Variants in PFKFB3 observed in about 807,000 individuals in gnomAD.
PFKFB3 encodes 6-phosphofructo-2-kinase/fructose-2,6-bisphosphatase 3.
A neutral mutation model predicts 68.0 loss-of-function variants in PFKFB3; 33 were observed. The ratio of observed to expected loss-of-function variants is 0.49; its 90% confidence interval spans 0.37 to 0.65. PFKFB3 has a LOEUF of 0.65. Ranked by LOEUF, PFKFB3 falls within the 30% of genes least tolerant of loss-of-function variation. The pLI is 0.00. For missense variants in PFKFB3, 586 were observed against 712.2 expected, an observed-to-expected ratio of 0.82 and a Z score of 2.02; for synonymous variants, 315 against 288.2, an observed-to-expected ratio of 1.09 and a Z score of -0.94.
the PFKFB3 span, among the ~76,000 whole-genome samples, chr10:6,289,856 T>G: frequency 6.6e-6 from 1 of 151,926 alleles, no homozygotes; most frequent in Non-Finnish European, 1.5e-5. Flanking sequence ...TTCTTCCATT[T>G]GTTTGTATCC....
the PFKFB3 span, among the ~76,000 whole-genome samples, chr10:6,289,811 T>C: frequency 2.2e-5 from 3 of 134,056 alleles, no homozygotes; most frequent in East Asian, 2.3e-4. Context: ...GCCATTTTCA[T>C]GATATTGATT....
chr10:6,238,014 T>C (rs1846060205), downstream of PFKFB3, among the ~76,000 whole-genome samples: 1 of 152,092 alleles, frequency 6.6e-6, no homozygotes, highest in African/African-American at 2.4e-5. Flanking sequence ...GGTTTCAACC[T>C]ACAGTTTCTG....
chr10:6,176,479 C>G (rs528576061), intron 1 of PFKFB3, among the ~76,000 whole-genome samples: 199 of 152,296 alleles, frequency 1.3e-3, no homozygotes, highest in African/African-American at 4.6e-3. Flanking sequence ...CCCATCATCG[C>G]TCACTGCAAC....
chr10:6,270,095 G>A, the PFKFB3 span, among the ~76,000 whole-genome samples: 1 of 152,246 alleles, frequency 6.6e-6, no homozygotes, highest in African/African-American at 2.4e-5. Flanking sequence ...TCGCGCCATT[G>A]TACTCCAGCC....
downstream of PFKFB3, among the ~76,000 whole-genome samples, chr10:6,240,313 G>A (rs1248443464): frequency 6.6e-6 from 1 of 152,122 alleles, no homozygotes; most frequent in Non-Finnish European, 1.5e-5. Context: ...CCCCCAGGCT[G>A]GACTGCGGTG....
At chr10:6,177,550 A>G (rs1353357215) in intron 1 of PFKFB3, among the ~76,000 whole-genome samples, 2 of 117,744 alleles carry the variant, frequency 1.7e-5, no homozygotes, top group African/African-American at 6.7e-5. Context: ...TTTGAGACGG[A>G]GTTTCACTCT....
At position 6,161,627 on chromosome 10, in the gene PFKFB3, T is replaced by G. The variant is rs563720338; in HGVS notation, c.16+16614T>G. Among the ~76,000 whole-genome samples the G allele has an allele frequency of 5.1e-5, 4 of 78,072 alleles. No homozygotes were observed. The South Asian group carries it at 1.8e-3, about 36-fold the overall frequency. 51.2% of individuals were successfully genotyped at this position (78,072 alleles called of 152,430 possible). ...ACACATATATATACACACACACACA[T>G]ATATATATATAGAGAGAGAGAGAGA... On this transcript the variant is annotated intron_variant, in intron 1 of 14. Coordinates refer to the PFKFB3 transcript ENST00000379789.
rs79294370 is a variant in PFKFB3, at chr10:6,156,450, C to A, written c.16+11437C>A. Among the ~76,000 whole-genome samples, 1,494 of 151,504 alleles carry A rather than the reference C, an allele frequency of 9.9e-3. 59 individuals are homozygous for A. The highest frequency in any genetic ancestry group is 0.067 in the East Asian group (342 of 5,116). On this transcript the variant is annotated intron_variant, in intron 1 of 14. Transcript: ENST00000379789. The stretch of plus-strand genomic sequence containing the variant: ...GGATTATAGGCATGTGTCATCACGT[C>A]CAGCCTCCAAAGAAGAGCAAATTCA...
At chr10:6,244,701 G>A (rs1378217366) in intron 14 of PFKFB3, among the ~76,000 whole-genome samples, 2 of 152,016 alleles carry the variant, frequency 1.3e-5, no homozygotes, top group Admixed American at 6.6e-5. Context: ...GGAGGGATGA[G>A]AAGCTGGAAA....
intron 1 of PFKFB3, among the ~76,000 whole-genome samples, chr10:6,145,876 C>A (rs1841373467): frequency 6.6e-6 from 1 of 152,174 alleles, no homozygotes; most frequent in Non-Finnish European, 1.5e-5. Context: ...GCGCACCGGA[C>A]CCCGGTTTAC....
chr10:6,151,895 C>T (rs150634028), intron 1 of PFKFB3, among the ~76,000 whole-genome samples: 83 of 151,620 alleles, frequency 5.5e-4, no homozygotes, highest in Non-Finnish European at 9.3e-4. Flanking sequence ...GTGGTGGGGA[C>T]GCCTTGTTTC....
intron 14 of PFKFB3, among the ~76,000 whole-genome samples, chr10:6,248,802 A>AT (rs1488883234): frequency 6.6e-6 from 1 of 152,206 alleles, no homozygotes; most frequent in African/African-American, 2.4e-5. Flanking sequence ...CCACAATGAG[A>AT]TTTTTAGTTC....
chr10:6,164,124 G>T (rs1842054078), intron 1 of PFKFB3: 1 of 152,378 alleles, frequency 6.6e-6, no homozygotes, highest in African/African-American at 2.4e-5. Flanking sequence ...CGGCCCGGGC[G>T]CGCAGCCCGT....
intron 1 of PFKFB3, among the ~76,000 whole-genome samples, chr10:6,182,059 GA>G (rs1437441043): frequency 6.6e-6 from 1 of 152,104 alleles, no homozygotes; most frequent in African/African-American, 2.4e-5. Flanking sequence ...GGGGAAAATG[GA>G]CAATTTTATG....
intron 1 of PFKFB3, among the ~76,000 whole-genome samples, chr10:6,155,055 C>T (rs1483126758): frequency 1.3e-5 from 2 of 152,190 alleles, no homozygotes; most frequent in Non-Finnish European, 2.9e-5. Context: ...AGTCATCAGA[C>T]AGAGCCATTT....
At chr10:6,235,626 C>T (rs1845988574), downstream of PFKFB3, 1 of 152,358 alleles carries the variant, frequency 6.6e-6, no homozygotes, top group Non-Finnish European at 1.5e-5. Flanking sequence ...CAACTCACCA[C>T]TTCATTATCT....
chr10:6,305,411 G>A, the PFKFB3 span, among the ~76,000 whole-genome samples: 1 of 152,012 alleles, frequency 6.6e-6, no homozygotes, highest in South Asian at 2.1e-4. Context: ...GAACTCCTGA[G>A]CTCAAGCTAT....
At chr10:6,203,920 C>T (rs1377960116) in intron 1 of PFKFB3, among the ~76,000 whole-genome samples, 1 of 152,204 alleles carries the variant, frequency 6.6e-6, no homozygotes, top group Non-Finnish European at 1.5e-5. Context: ...CTCTCCTTCT[C>T]TCTCTTCCGT....
At chr10:6,218,682 C>T (rs1844754217) in intron 6 of PFKFB3, among the ~76,000 whole-genome samples, 1 of 152,180 alleles carries the variant, frequency 6.6e-6, no homozygotes, top group East Asian at 1.9e-4. Flanking sequence ...ATCTGCTTGC[C>T]TTGGCCTCCC....
Sources: allele counts gnomAD v4.1 joint callset (sites outside exome capture counted in the v4.1 genomes callset), GRCh38; gene constraint gnomAD v4.1.1; transcripts MANE v1.5; gene names NCBI Gene and HGNC (gene_info 2026-07-23, HGNC 2026-07-21).